Variants in GPC5 observed in about 807,000 individuals in gnomAD.
The protein encoded by GPC5 is glypican 5.
Under a neutral mutation model 53.9 loss-of-function variants are expected in GPC5, and 47 were observed. The observed-to-expected ratio is 0.87, with a 90% CI of 0.69 to 1.11. The LOEUF is 1.11. GPC5 is among the 50% of genes most tolerant of loss of function. The pLI is 0.00. For synonymous variants in GPC5, 286 were observed against 263.3 expected (o/e 1.09, Z -0.84); for missense variants, 748 against 713.1 (o/e 1.05, Z -0.56).
At chr13:92,806,357 C>A (rs2138792921) in intron 7 of GPC5, among the ~76,000 whole-genome samples, 1 of 152,182 alleles carries the variant, frequency 6.6e-6, no homozygotes, top group East Asian at 1.9e-4. Flanking sequence ...TCTATCCAGA[C>A]TACCCGACGT....
chr13:92,524,609 A>C (rs1031713303), intron 7 of GPC5, among the ~76,000 whole-genome samples: 5 of 152,142 alleles, frequency 3.3e-5, no homozygotes, highest in African/African-American at 1.2e-4. Flanking sequence ...TTAGACTTCT[A>C]TCTGGTCTCC....
At chr13:91,842,509 TG>T (rs542207434) in intron 5 of GPC5, among the ~76,000 whole-genome samples, 53 of 149,564 alleles carry the variant, frequency 3.5e-4, no homozygotes, top group African/African-American at 1.2e-3. Context: ...GAGACCATCT[TG>T]GCTAACACGG....
At chr13:91,796,140 T>C (rs2038042606) in intron 5 of GPC5, among the ~76,000 whole-genome samples, 1 of 151,900 alleles carries the variant, frequency 6.6e-6, no homozygotes, top group Non-Finnish European at 1.5e-5. Flanking sequence ...ATGTGGTGAG[T>C]GTTATACCTC....
chr13:92,724,074 T>C (rs1360578149), intron 7 of GPC5, among the ~76,000 whole-genome samples: 1 of 151,628 alleles, frequency 6.6e-6, no homozygotes, highest in African/African-American at 2.4e-5. Flanking sequence ...TTAATGTTTT[T>C]GTTGTATAAG....
chr13:92,668,510 G>C (rs1257795376), intron 7 of GPC5, among the ~76,000 whole-genome samples: 2 of 152,026 alleles, frequency 1.3e-5, no homozygotes, highest in African/African-American at 4.8e-5. Flanking sequence ...CTTTAAATAA[G>C]AGATTACATA....
intron 7 of GPC5, among the ~76,000 whole-genome samples, chr13:92,295,235 C>A (rs765024001): frequency 1.3e-5 from 2 of 152,062 alleles, no homozygotes; most frequent in Non-Finnish European, 2.9e-5. Context: ...TCATTCAGTT[C>A]GAAAAGTTTT....
intron 4 of GPC5, among the ~76,000 whole-genome samples, chr13:91,747,219 A>C (rs1322566940): frequency 2.6e-5 from 4 of 152,212 alleles, no homozygotes; most frequent in Admixed American, 2.6e-4. Flanking sequence ...ACTCAATTTA[A>C]CAGTAGTAAC....
intron 7 of GPC5, among the ~76,000 whole-genome samples, chr13:92,481,529 A>G (rs12863416): frequency 0.17 from 25,328 of 152,192 alleles, 2,444 homozygotes; most frequent in Non-Finnish European, 0.22. Flanking sequence ...GTATCCGGAA[A>G]GCAAAACCCT....
In GPC5 at chr13:91,451,612, G is replaced by GT. The variant is rs1408416864; in HGVS notation, c.325+2693dup. On this transcript the variant is annotated intron_variant, in intron 2 of 7. Transcript: ENST00000377067. ...AATTAGCCTCTAGGACAACTCTTCT[G>GT]TTTGTTTGTTTTTTTTTTTCCCCGA... is the stretch of plus-strand genomic sequence containing the variant. Among the ~76,000 whole-genome samples, 99 of 103,082 alleles carry GT rather than the reference G, an allele frequency of 9.6e-4. No homozygotes were observed. In the Middle Eastern group the frequency reaches 0.036, roughly 38 times the overall value. The allele number at this position is 103,082 out of a possible 152,430, so 67.6% of individuals were successfully genotyped here.
At chr13:91,404,073 C>T (rs1274955703) in intron 1 of GPC5, among the ~76,000 whole-genome samples, 1 of 152,086 alleles carries the variant, frequency 6.6e-6, no homozygotes, top group Non-Finnish European at 1.5e-5. Context: ...CCCCCCAATC[C>T]CTATTATTTT....
intron 6 of GPC5, among the ~76,000 whole-genome samples, chr13:91,993,384 C>A (rs2040474763): frequency 6.6e-6 from 1 of 152,010 alleles, no homozygotes; most frequent in Non-Finnish European, 1.5e-5. Flanking sequence ...AGAAATCAAC[C>A]CTGAATTATG....
At chr13:91,934,899 T>C (rs1448611806) in intron 6 of GPC5, among the ~76,000 whole-genome samples, 1 of 151,908 alleles carries the variant, frequency 6.6e-6, no homozygotes, top group Admixed American at 6.6e-5. Context: ...GTTTCTTATC[T>C]CCAGATCTAC....
intron 5 of GPC5, among the ~76,000 whole-genome samples, chr13:91,893,448 A>G (rs2138972799): frequency 6.6e-6 from 1 of 152,166 alleles, no homozygotes; most frequent in East Asian, 1.9e-4. Flanking sequence ...GAGAATTTTT[A>G]AAGGGATTTC....
chr13:91,930,225 G>A (rs1009883285), intron 6 of GPC5, among the ~76,000 whole-genome samples: 8 of 152,080 alleles, frequency 5.3e-5, no homozygotes, highest in African/African-American at 1.9e-4. Flanking sequence ...TGGTTGTAAA[G>A]CAGATCTTTA....
At chr13:91,930,652 C>A (rs148411971) in intron 6 of GPC5, among the ~76,000 whole-genome samples, 2 of 151,828 alleles carry the variant, frequency 1.3e-5, no homozygotes, top group African/African-American at 4.8e-5. Flanking sequence ...ATGTGAAGGT[C>A]GGGACCATAC....
At chr13:92,337,212 A>G (rs984675591) in intron 7 of GPC5, among the ~76,000 whole-genome samples, 92 of 152,240 alleles carry the variant, frequency 6.0e-4, no homozygotes, top group African/African-American at 2.1e-3. Context: ...CAAAAAAAAA[A>G]AAGAAATAGG....
At chr13:91,613,383 G>C (rs567606335) in intron 2 of GPC5, among the ~76,000 whole-genome samples, 1 of 152,022 alleles carries the variant, frequency 6.6e-6, no homozygotes, top group Non-Finnish European at 1.5e-5. Context: ...ATTCACTATC[G>C]CAAGAATAGT....
At chr13:92,637,218 C>T (rs1424479302) in intron 7 of GPC5, among the ~76,000 whole-genome samples, 5 of 151,980 alleles carry the variant, frequency 3.3e-5, no homozygotes, top group Non-Finnish European at 4.4e-5. Flanking sequence ...TTTAGCTAAT[C>T]GATTGCAAAA....
intron 2 of GPC5, among the ~76,000 whole-genome samples, chr13:91,654,340 A>ATT (rs2051228364): frequency 6.6e-6 from 1 of 152,128 alleles, no homozygotes; most frequent in African/African-American, 2.4e-5. Context: ...CCACTGTATA[A>ATT]TTTTTTTAAA....
Sources: gnomAD v4.1 joint callset for allele counts (sites outside exome capture counted in the v4.1 genomes callset) on GRCh38, gnomAD v4.1.1 for gene constraint, MANE v1.5 for transcripts, NCBI Gene and HGNC (gene_info 2026-07-23, HGNC 2026-07-21) for gene names.